B3GAT2: variants seen among roughly 807,000 people sequenced by gnomAD.
B3GAT2 encodes beta-1,3-glucuronyltransferase 2.
A neutral mutation model predicts 27.8 loss-of-function variants in B3GAT2; 26 were observed. That is an observed-to-expected ratio of 0.93 (90% CI 0.68 to 1.30). The LOEUF is 1.30. B3GAT2 is among the 50% of genes most tolerant of loss of function. The pLI is 0.00. For synonymous variants in B3GAT2, 218 were observed against 195.1 expected, an observed-to-expected ratio of 1.12 and a Z score of -0.98; for missense variants, 458 against 459.0, an observed-to-expected ratio of 1.00 and a Z score of 0.02.
intron 1 of B3GAT2, among the ~76,000 whole-genome samples, chr6:70,926,759 A>T (rs1320494202): frequency 6.6e-6 from 1 of 152,228 alleles, no homozygotes; most frequent in Non-Finnish European, 1.5e-5. Flanking sequence ...TCTTCAGGAT[A>T]TTATGCAGGA....
intron 2 of B3GAT2, 69 bp downstream of exon 2, chr6:70,894,059 G>A: frequency 7.1e-7 from 1 of 1,408,034 alleles, no homozygotes; most frequent in Non-Finnish European, 9.4e-7. Flanking sequence ...CCTTCATCTA[G>A]TGCATCGTTA....
At chr6:70,948,560 C>A (rs1388768389) in intron 1 of B3GAT2, among the ~76,000 whole-genome samples, 1 of 151,326 alleles carries the variant, frequency 6.6e-6, no homozygotes, top group Non-Finnish European at 1.5e-5. Flanking sequence ...AACTACAAAC[C>A]ACTGCTCAAT....
chr6:70,950,565 C>T (rs1423725684), intron 1 of B3GAT2, among the ~76,000 whole-genome samples: 3 of 152,162 alleles, frequency 2.0e-5, no homozygotes, highest in Non-Finnish European at 2.9e-5. Flanking sequence ...AAAATTCTAT[C>T]TCTGCCACAT....
At chr6:70,944,435 G>GCTCAGAGGGTCCTA (rs1554218000) in intron 1 of B3GAT2, among the ~76,000 whole-genome samples, 11 of 151,576 alleles carry the variant, frequency 7.3e-5, no homozygotes, top group Non-Finnish European at 1.5e-4. Context: ...CCCACACATG[G>GCTCAGAGGGTCCTA]CGCCCACGGA....
chr6:70,925,535 G>C (rs1011734296), intron 1 of B3GAT2, among the ~76,000 whole-genome samples: 2 of 152,236 alleles, frequency 1.3e-5, no homozygotes, highest in Non-Finnish European at 2.9e-5. Context: ...CACCTATGGA[G>C]CCTTGCTTAC....
Position 70,857,823 on chromosome 6 carries a change from C to A in B3GAT2, c.*3840G>T. The A allele has an allele frequency of 2.3e-6, 3 of 1,314,642 alleles. No homozygotes were observed. The highest frequency in any genetic ancestry group is 3.2e-6 in the Non-Finnish European group (3 of 951,020). The allele number at this position is 1,314,642 out of a possible 1,614,324, so 81.4% of individuals were successfully genotyped here. Reference sequence around the variant, plus strand: ...AGCCAAACTGGAATTAAAATGTTTGCTGTGAGTAGTTCAGAAAGGCAATTT... The same window carrying A: ...AGCCAAACTGGAATTAAAATGTTTGATGTGAGTAGTTCAGAAAGGCAATTT... On this transcript the variant is annotated 3_prime_UTR_variant, in exon 4 of 4. Coordinates refer to ENST00000230053, the MANE Select transcript of B3GAT2 (RefSeq NM_080742.3).
At chr6:70,870,915 T>C (rs911724041) in intron 2 of B3GAT2, among the ~76,000 whole-genome samples, 6 of 152,162 alleles carry the variant, frequency 3.9e-5, no homozygotes, top group African/African-American at 1.4e-4. Flanking sequence ...AGTTCCCTCC[T>C]ATTCCTAGTT....
chr6:70,956,614 G>A lies in B3GAT2; in HGVS notation c.-185C>T. The A allele has an allele frequency of 7.0e-7, 1 of 1,433,564 alleles. No individual in the cohort carries two copies. The highest frequency in any genetic ancestry group is 1.5e-5 in the South Asian group (1 of 67,244). The allele number at this position is 1,433,564 out of a possible 1,614,324, so 88.8% of individuals were successfully genotyped here. On this transcript the variant is annotated 5_prime_UTR_variant, in exon 1 of 4. Coordinates refer to ENST00000230053, the MANE Select transcript of B3GAT2 (RefSeq NM_080742.3). The stretch of plus-strand genomic sequence containing the variant: ...ACTACCTGGGCGTGGAGGAGCGGCA[G>A]GTTCGCGCAAGCTAGAGCGACAAGG...
At chr6:70,892,229 G>C (rs143408411) in intron 2 of B3GAT2, among the ~76,000 whole-genome samples, 18 of 152,188 alleles carry the variant, frequency 1.2e-4, no homozygotes, top group Non-Finnish European at 2.2e-4. Context: ...ATGGAAAAAA[G>C]AATTCCCACA....
At chr6:70,894,967 C>T (rs749896472) in intron 1 of B3GAT2, among the ~76,000 whole-genome samples, 4 of 152,126 alleles carry the variant, frequency 2.6e-5, no homozygotes, top group Admixed American at 6.5e-5. Flanking sequence ...AAAGAGATGC[C>T]CACAAGAAAG....
Position 70,894,148 on chromosome 6 carries a change from G to T in B3GAT2, c.716C>A (p.Pro239His), listed in dbSNP as rs1412180321. Reference protein sequence around the residue: ...GWYTGWRADRPFAIDMAGFAV... With the variant: ...GWYTGWRADRHFAIDMAGFAV... Reference sequence around the variant, plus strand: ...CTCACCTGCCATGTCGATGGCAAAAGGCCTGTCTGCTCTCCAGCCGGTGTA... The same window carrying T: ...CTCACCTGCCATGTCGATGGCAAAATGCCTGTCTGCTCTCCAGCCGGTGTA... The change falls in exon 2 of 4, where the codon CCT (proline) becomes CAT (histidine). Residue 239 changes from proline to histidine, a missense_variant. Physicochemically the swap from Pro to His is moderately conservative, Grantham distance 77. Coordinates refer to ENST00000230053, the MANE Select transcript of B3GAT2 (RefSeq NM_080742.3). 1.9e-6 allele frequency: 3 copies of T among 1,612,758 alleles called. No individual in the cohort carries two copies. Among genetic ancestry groups the T allele is most frequent in the East Asian group, 4.5e-5 (2 of 44,888 alleles).
Position 70,859,425 on chromosome 6 carries a change from A to G in B3GAT2, c.*2238T>C. The G allele has an allele frequency of 6.6e-7, 1 of 1,523,794 alleles. No homozygotes were observed. The highest frequency in any genetic ancestry group is 8.9e-7 in the Non-Finnish European group (1 of 1,125,602). 94.4% of individuals were successfully genotyped at this position (1,523,794 alleles called of 1,614,324 possible). On this transcript the variant is annotated 3_prime_UTR_variant, in exon 4 of 4. Transcript: ENST00000230053. ...AAAATGTCCTTTAGTAGGTATGAAG[A>G]CGTGATCTGCTTCTTCAGACACTTA... is the stretch of plus-strand genomic sequence containing the variant.
intron 1 of B3GAT2, among the ~76,000 whole-genome samples, chr6:70,907,186 C>T (rs1168835358): frequency 6.6e-6 from 1 of 152,140 alleles, no homozygotes; most frequent in Non-Finnish European, 1.5e-5. Context: ...CTCTCAATGC[C>T]AGGGATAAAT....
At chr6:70,942,924 T>A (rs544104223) in intron 1 of B3GAT2, among the ~76,000 whole-genome samples, 17 of 152,288 alleles carry the variant, frequency 1.1e-4, no homozygotes, top group Middle Eastern at 3.4e-3. Flanking sequence ...CACTCAGCTT[T>A]CACTAGAGAT....
Position 70,956,090 on chromosome 6 carries a change from T to G in B3GAT2, c.340A>C (p.Ile114Leu), listed in dbSNP as rs764212379. ...CGCGCCGCCGCGTCCTCCACCAGGATCCAGTGCAGCTGCGCCACCTGGCGG... is the reference window on the plus strand; with the variant it reads ...CGCGCCGCCGCGTCCTCCACCAGGAGCCAGTGCAGCTGCGCCACCTGGCGG... ...TFRQVAQLHWILVEDAAARSE... is the reference protein window; with the variant it reads ...TFRQVAQLHWLLVEDAAARSE... The change falls in exon 1 of 4, where the codon ATC (isoleucine) becomes CTC (leucine). Residue 114 changes from isoleucine (I) to leucine (L), a missense_variant. Transcript: ENST00000230053. The G allele has an allele frequency of 3.1e-6, 5 of 1,598,046 alleles. No homozygotes were observed. The African/African-American group carries it at 5.4e-5, about 17-fold the overall frequency.
intron 1 of B3GAT2, 73 bp downstream of exon 1, chr6:70,955,766 T>G: frequency 6.9e-7 from 1 of 1,454,632 alleles, no homozygotes; most frequent in Non-Finnish European, 9.1e-7. Flanking sequence ...GCAAGGGGCG[T>G]GTGACTGCAG....
At chr6:70,951,667 A>G (rs1177796494) in intron 1 of B3GAT2, among the ~76,000 whole-genome samples, 2 of 152,208 alleles carry the variant, frequency 1.3e-5, no homozygotes, top group Non-Finnish European at 2.9e-5. Context: ...ACTCTTATCA[A>G]AAACGAACCA....
rs149060888 is a variant in B3GAT2, at chr6:70,881,563, C to T, written c.736+12565G>A. Reference sequence around the variant, plus strand: ...CAGGGAGTTACTCAGGGAAACTCAACACTTCAGAGGCGGCTTCACCAGTGG... The same window carrying T: ...CAGGGAGTTACTCAGGGAAACTCAATACTTCAGAGGCGGCTTCACCAGTGG... On this transcript the variant is annotated intron_variant, in intron 2 of 3. Transcript: ENST00000230053. Among the ~76,000 whole-genome samples the T allele has an allele frequency of 2.0e-5, 3 of 152,312 alleles. No homozygotes were observed. The East Asian group carries it at 5.8e-4, about 29-fold the overall frequency.
At chr6:70,914,135 TC>T (rs1458573728) in intron 1 of B3GAT2, among the ~76,000 whole-genome samples, 1 of 152,174 alleles carries the variant, frequency 6.6e-6, no homozygotes, top group Non-Finnish European at 1.5e-5. Flanking sequence ...TATTTCTTCT[TC>T]TTTTTTTAAA....
Sources: allele counts gnomAD v4.1 joint callset (sites outside exome capture counted in the v4.1 genomes callset), GRCh38; gene constraint gnomAD v4.1.1; transcripts MANE v1.5; gene names NCBI Gene and HGNC (gene_info 2026-07-23, HGNC 2026-07-21).